The following MSS51 variants were observed in gnomAD, a reference collection of about 807,000 sequenced individuals.
The protein encoded by MSS51 is putative protein MSS51 homolog, mitochondrial.
A neutral mutation model predicts 40.2 loss-of-function variants in MSS51; 32 were observed. The ratio of observed to expected loss-of-function variants is 0.80; its 90% CI spans 0.60 to 1.07. The LOEUF (loss-of-function observed/expected upper bound fraction) is 1.07. Ranked by LOEUF, MSS51 falls within the 50% of genes least tolerant of loss-of-function variation. MSS51 has a pLI of 0.00. For missense variants in MSS51, 518 were observed against 568.9 expected (o/e 0.91, Z 0.91); for synonymous variants, 178 against 214.2 (o/e 0.83, Z 1.48).
chr10:73,429,346 A>G (rs1327482004), intron 1 of MSS51, among the ~76,000 whole-genome samples: 1 of 152,256 alleles, frequency 6.6e-6, no homozygotes, highest in East Asian at 1.9e-4. Flanking sequence ...ATATTAATAT[A>G]GCTTTAATGT....
At chr10:73,431,686 G>A (rs979950366) in intron 1 of MSS51, among the ~76,000 whole-genome samples, 4 of 152,138 alleles carry the variant, frequency 2.6e-5, no homozygotes, top group African/African-American at 9.7e-5. Context: ...TCATCCTTAT[G>A]TTTCCATCCA....
At position 73,432,039 on chromosome 10, in the gene MSS51, CTT is replaced by C. The variant is rs565080775; in HGVS notation, c.-18+1472_-18+1473del. On this transcript the variant is annotated intron_variant, in intron 1 of 6. Coordinates refer to ENST00000299432, the MANE Select transcript of MSS51 (RefSeq NM_001024593.2). Reference sequence around the variant, plus strand: ...CCTGCCTCAGGCAAGATAACATTTTCTTTTTCTTTCTTTCTTTGAGACAGAGT... The same window carrying C: ...CCTGCCTCAGGCAAGATAACATTTTCTTTCTTTCTTTCTTTGAGACAGAGT... Among the ~76,000 whole-genome samples the C allele has an allele frequency of 2.6e-3, 393 of 152,170 alleles. 2 individuals carry two copies. Among genetic ancestry groups the C allele is most frequent in the Non-Finnish European group, 3.7e-3 (253 of 67,986 alleles).
chr10:73,426,286 T>C lies in MSS51; in HGVS notation c.594A>G (p.Leu198=), dbSNP rs746719587. 7 of 1,610,208 alleles carry C rather than the reference T, an allele frequency of 4.3e-6. No individual in the cohort carries two copies. The highest frequency in any genetic ancestry group is 5.9e-6 in the Non-Finnish European group (7 of 1,180,018). Residue 198 remains leucine, a synonymous_variant, in exon 5 of 7, where the codon CTA becomes CTG. Coordinates refer to ENST00000299432, the MANE Select transcript of MSS51 (RefSeq NM_001024593.2). The part of the protein sequence containing the change: ...DSWFSMKGLH[L]DATLDAVLVS... ...CTAGCACAGCATCCAATGTAGCATC[T>C]AGGTGTAACCCCTTCATAGAAAACC...
At chr10:73,425,293 T>A in intron 5 of MSS51, 102 bp from the exon 6 acceptor site, 2 of 688,838 alleles carry the variant, frequency 2.9e-6, no homozygotes, top group Non-Finnish European at 5.0e-6. Flanking sequence ...ACCTTGCTTA[T>A]CCCCAGTCAT....
chr10:73,432,852 A>G (rs1053199164), intron 1 of MSS51, among the ~76,000 whole-genome samples: 2 of 152,202 alleles, frequency 1.3e-5, no homozygotes, highest in Non-Finnish European at 2.9e-5. Context: ...AATCTCCTGT[A>G]AAGAGCCCCA....
chr10:73,425,112 C>G lies in MSS51; in HGVS notation c.1149G>C (p.Leu383Phe). Residue 383 changes from leucine (L) to phenylalanine (F), a missense_variant, in exon 6 of 7, where the codon TTG (leucine) becomes TTC (phenylalanine). Transcript: ENST00000299432. The stretch of plus-strand genomic sequence containing the variant: ...GAGGTCAAAACCTGTAAACAGTAAT[C>G]AATGTAGGAATCTTATAGTCACGAA... ...LLLRDYKIPTLITVYSHQELV... is the reference protein window; with the variant it reads ...LLLRDYKIPTFITVYSHQELV... 6.2e-7 allele frequency: 1 copy of G among 1,612,500 alleles called. No individual in the cohort carries two copies. The highest frequency in any genetic ancestry group is 8.5e-7 in the Non-Finnish European group (1 of 1,178,950).
intron 1 of MSS51, among the ~76,000 whole-genome samples, chr10:73,433,222 A>G (rs1043975365): frequency 7.9e-5 from 12 of 152,146 alleles, no homozygotes; most frequent in Admixed American, 3.3e-4. Context: ...AGTTTCACCT[A>G]AACTACAGTC....
intron 1 of MSS51, among the ~76,000 whole-genome samples, chr10:73,429,246 T>C (rs1215177932): frequency 6.6e-6 from 1 of 152,114 alleles, no homozygotes; most frequent in Non-Finnish European, 1.5e-5. Context: ...TAACTCTGAA[T>C]AGTTTAAGAA....
At position 73,425,473 on chromosome 10, in the gene MSS51, G is replaced by C. The variant is rs147291197; in HGVS notation, c.1070-282C>G. On this transcript the variant is annotated intron_variant, in intron 5 of 6. Coordinates refer to ENST00000299432, the MANE Select transcript of MSS51 (RefSeq NM_001024593.2). ...GCGGATCATAAGGTCAGGAGATCGA[G>C]ATCATCGTGGCTAACACAGTGAAAC... Among the ~76,000 whole-genome samples, 128 of 151,810 alleles carry C rather than the reference G, an allele frequency of 8.4e-4. 1 individual carries two copies. Among genetic ancestry groups the C allele is most frequent in the Middle Eastern group, 6.8e-3 (2 of 292 alleles).
At chr10:73,427,258 G>GTAGAA (rs2055995940) in intron 3 of MSS51, among the ~76,000 whole-genome samples, 3 of 143,730 alleles carry the variant, frequency 2.1e-5, no homozygotes, top group Admixed American at 1.4e-4. Flanking sequence ...TGAGGTTGTA[G>GTAGAA]TAGAAGGTCA....
Position 73,428,398 on chromosome 10 carries a change from G to A in MSS51, c.-17-97C>T. The A allele has an allele frequency of 2.4e-5, 22 of 916,242 alleles. No homozygotes were observed. In the South Asian group the frequency reaches 3.9e-4, roughly 16 times the overall value. 56.8% of individuals were successfully genotyped at this position (916,242 alleles called of 1,614,324 possible). ...GCTTGACCTTTCATTTCTCATTCCA[G>A]TCTCTCAGACCCAGGTTATCAGTAA... On this transcript the variant is annotated intron_variant, in intron 1 of 6. Transcript: ENST00000299432.
chr10:73,427,846 T>C, intron 2 of MSS51, 78 bp from the exon 3 acceptor site: 1 of 1,514,590 alleles, frequency 6.6e-7, no homozygotes, highest in Non-Finnish European at 9.0e-7. Context: ...CCATCTTGTC[T>C]CCTACACATT....
At position 73,424,594 on chromosome 10, in the gene MSS51, C is replaced by G. The variant is rs775677611; in HGVS notation, c.1342G>C (p.Asp448His). ...ACTTTCTCTTCTAATTGCCTATTAT[C>G]CAGCTGACAGGAGCTTCCAAGAAAC... ...IMFLGSSCQL[D>H]NRQLEEKVDG... The change falls in exon 7 of 7, where the codon GAT becomes CAT. Residue 448 changes from aspartate to histidine, a missense_variant. Asp to His is a moderately conservative substitution (Grantham distance 81). Coordinates refer to ENST00000299432, the MANE Select transcript of MSS51 (RefSeq NM_001024593.2). 4 of 1,614,088 alleles carry G rather than the reference C, an allele frequency of 2.5e-6. No homozygotes were observed. In the East Asian group the frequency reaches 6.7e-5, roughly 27 times the overall value.
At chr10:73,425,780 C>T (rs752784912) in intron 5 of MSS51, 31 bp downstream of exon 5, 2 of 1,563,410 alleles carry the variant, frequency 1.3e-6, no homozygotes, top group Admixed American at 1.9e-5. Context: ...AGGGGAGCCA[C>T]CCTCTATTCC....
intron 1 of MSS51, among the ~76,000 whole-genome samples, chr10:73,428,786 CAAG>C (rs1473186333): frequency 2.0e-5 from 3 of 151,534 alleles, no homozygotes; most frequent in Non-Finnish European, 2.9e-5. Context: ...CGCACCCAGC[CAAG>C]AAGAAGTAAT....
In MSS51 at chr10:73,425,088, A is replaced by C; in HGVS notation, c.1163+10T>G. On this transcript the variant is annotated intron_variant, in intron 6 of 6. Coordinates refer to ENST00000299432, the MANE Select transcript of MSS51 (RefSeq NM_001024593.2). ...TCAGGGAAGTATCACAAATAGGATG[A>C]GGTCAAAACCTGTAAACAGTAATCA... The C allele has an allele frequency of 6.2e-7, 1 of 1,600,312 alleles. No individual in the cohort carries two copies.
At chr10:73,430,741 T>C (rs560089951) in intron 1 of MSS51, among the ~76,000 whole-genome samples, 1 of 152,198 alleles carries the variant, frequency 6.6e-6, no homozygotes, top group African/African-American at 2.4e-5. Context: ...ATAATATTAC[T>C]ATATAACCAG....
chr10:73,431,226 C>T (rs943941605), intron 1 of MSS51, among the ~76,000 whole-genome samples: 6 of 151,934 alleles, frequency 3.9e-5, no homozygotes, highest in Admixed American at 6.6e-5. Flanking sequence ...TGAACAATAC[C>T]GTGAATACAC....
chr10:73,428,943 G>A (rs536188656), intron 1 of MSS51, among the ~76,000 whole-genome samples: 9 of 151,868 alleles, frequency 5.9e-5, no homozygotes, highest in African/African-American at 2.2e-4. Flanking sequence ...GGTGGCTCAC[G>A]CCTGTAATCC....
Sources: allele counts gnomAD v4.1 joint callset (sites outside exome capture counted in the v4.1 genomes callset), GRCh38; gene constraint gnomAD v4.1.1; transcripts MANE v1.5; gene names NCBI Gene and HGNC (gene_info 2026-07-23, HGNC 2026-07-21).